Variants in CLCA1 observed in about 807,000 individuals in gnomAD.
CLCA1 encodes chloride channel accessory 1, also known as calcium-activated chloride channel regulator 1.
Under a neutral mutation model 85.6 loss-of-function variants are expected in CLCA1, and 59 were observed. The ratio of observed to expected loss-of-function variants is 0.69; its 90% CI spans 0.56 to 0.86. The LOEUF (loss-of-function observed/expected upper bound fraction) is 0.86, where lower values mean the gene tolerates loss of function less well. CLCA1 is among the 40% of genes least tolerant of loss of function. CLCA1 has a pLI of 0.00. For missense variants in CLCA1, 1,022 were observed against 1,101.4 expected (o/e 0.93, Z 1.02); for synonymous variants, 396 against 398.3 (o/e 0.99, Z 0.07).
chr1:86,497,756 G>T (rs1010451827), intron 12 of CLCA1, among the ~76,000 whole-genome samples: 1 of 152,196 alleles, frequency 6.6e-6, no homozygotes, highest in African/African-American at 2.4e-5. Flanking sequence ...TGAAGGTCCA[G>T]TTGATTAGTT....
At chr1:86,475,605 T>A (rs997521878) in intron 3 of CLCA1, among the ~76,000 whole-genome samples, 14 of 152,036 alleles carry the variant, frequency 9.2e-5, no homozygotes, top group Admixed American at 3.9e-4. Flanking sequence ...GGGCCTAAGA[T>A]GAGGATTTCA....
chr1:86,476,855 C>T lies in CLCA1; in HGVS notation c.557+302C>T, dbSNP rs371542994. Among the ~76,000 whole-genome samples the T allele has an allele frequency of 2.0e-5, 3 of 152,128 alleles. No homozygotes were observed. In the East Asian group the frequency reaches 5.8e-4, roughly 29 times the overall value. Reference sequence around the variant, plus strand: ...TAGTGTCTCCATCATCCCATACCAGCATCAGTGACGTAAGCAGAGCTAATG... The same window carrying T: ...TAGTGTCTCCATCATCCCATACCAGTATCAGTGACGTAAGCAGAGCTAATG... On this transcript the variant is annotated intron_variant, in intron 4 of 13. Coordinates refer to ENST00000394711, the MANE Select transcript of CLCA1 (RefSeq NM_001285.4).
rs780029311 is a variant in CLCA1 at position 86,494,190 on chromosome 1, G to A, written c.1684G>A (p.Gly562Ser). 1.9e-6 allele frequency: 3 copies of A among 1,613,976 alleles called. No individual in the cohort carries two copies. In the Admixed American group the frequency reaches 5.0e-5, roughly 27 times the overall value. Residue 562 changes from glycine (G) to serine (S), a missense_variant, in exon 11 of 14, where the codon GGC (glycine) becomes AGC (serine). By Grantham distance (56) the Gly-to-Ser change is moderately conservative. Coordinates refer to ENST00000394711, the MANE Select transcript of CLCA1 (RefSeq NM_001285.4). Reference sequence around the variant, plus strand: ...TGTTTACATGTGTTTTGGTCAGGTTGGCACTTGGAAATACAGTCTGCAAGC... The same window carrying A: ...TGTTTACATGTGTTTTGGTCAGGTTAGCACTTGGAAATACAGTCTGCAAGC... ...YLQIPGIAKVGTWKYSLQASS... is the reference protein window; with the variant it reads ...YLQIPGIAKVSTWKYSLQASS...
rs867220653 is a variant in CLCA1, at chr1:86,491,349, C to T, written c.1442C>T (p.Ala481Val). The change falls in exon 9 of 14, where the codon GCT (alanine) becomes GTT (valine). Residue 481 changes from alanine to valine, a missense_variant. Transcript: ENST00000394711. ...AFGALSSGNG[A>V]VSQRSIQLES... ...GGGGCCCTTTCATCAGGAAATGGAG[C>T]TGTCTCTCAGCGCTCCATCCAGGTT... 6.2e-7 allele frequency: 1 copy of T among 1,612,510 alleles called. No individual in the cohort carries two copies. The highest frequency in any genetic ancestry group is 8.5e-7 in the Non-Finnish European group (1 of 1,178,838).
At chr1:86,495,231 G>A (rs1043912159) in intron 11 of CLCA1, among the ~76,000 whole-genome samples, 1 of 152,118 alleles carries the variant, frequency 6.6e-6, no homozygotes, top group Non-Finnish European at 1.5e-5. Context: ...TTATTGAGTA[G>A]TTACCTTGTG....
chr1:86,468,996 T>C lies in CLCA1; in HGVS notation c.25T>C (p.Phe9Leu), dbSNP rs1647422048. 1.2e-6 allele frequency: 2 copies of C among 1,611,930 alleles called. No homozygotes were observed. Among genetic ancestry groups the C allele is most frequent in the African/African-American group, 1.3e-5 (1 of 74,868 alleles). Residue 9 changes from phenylalanine (F) to leucine (L), a missense_variant, in exon 1 of 14, where the codon TTC becomes CTC. By Grantham distance (22) the Phe-to-Leu change is conservative (BLOSUM62 0). Transcript: ENST00000394711. MGPFKSSV[F>L]ILILHLLEGA... Reference sequence around the variant, plus strand: ...AATGGGGCCATTTAAGAGTTCTGTGTTCATCTTGATTCTTCACCTTCTAGA... The same window carrying C: ...AATGGGGCCATTTAAGAGTTCTGTGCTCATCTTGATTCTTCACCTTCTAGA...
At chr1:86,497,814 G>T (rs968897888) in intron 12 of CLCA1, among the ~76,000 whole-genome samples, 8 of 152,130 alleles carry the variant, frequency 5.3e-5, no homozygotes, top group African/African-American at 1.9e-4. Flanking sequence ...TATTTAGGAG[G>T]AATACATTTC....
At chr1:86,476,377 C>A in intron 3 of CLCA1, 71 bp from the exon 4 acceptor site, 1 of 739,416 alleles carries the variant, frequency 1.4e-6, no homozygotes. Context: ...CCAAACATTG[C>A]TTTCTTCCAG....
chr1:86,476,543 CA>C lies in CLCA1; in HGVS notation c.549del (p.Ala184GlnfsTer2). The C allele has an allele frequency of 6.6e-7, 1 of 1,505,656 alleles. No homozygotes were observed. The highest frequency in any genetic ancestry group is 1.4e-5 in the African/African-American group (1 of 72,854). The allele number at this position is 1,505,656 out of a possible 1,614,324, so 93.3% of individuals were successfully genotyped here. Reference protein sequence around the residue: ...EKFYLSNGRIQAVRCSAGITG... With the variant: ...EKFYLSNGRIXAVRCSAGITG... The stretch of plus-strand genomic sequence containing the variant: ...ATTCTACTTATCCAATGGAAGAATA[CA>C]AGCAGTAAGGTATGTATATTTTGAT... On this transcript the variant is annotated frameshift_variant, in exon 4 of 14. Coordinates refer to ENST00000394711, the MANE Select transcript of CLCA1 (RefSeq NM_001285.4). LOFTEE classifies it high-confidence loss of function.
At chr1:86,475,585 G>A (rs914625806) in intron 3 of CLCA1, among the ~76,000 whole-genome samples, 4 of 152,146 alleles carry the variant, frequency 2.6e-5, no homozygotes, top group East Asian at 1.9e-4. Flanking sequence ...AAATGCAAAC[G>A]CGGAGTACTG....
chr1:86,481,121 A>G (rs1408613048), intron 4 of CLCA1, among the ~76,000 whole-genome samples: 2 of 152,152 alleles, frequency 1.3e-5, no homozygotes, highest in African/African-American at 4.8e-5. Context: ...AAAATTATTA[A>G]GATCACATTT....
chr1:86,486,123 C>T (rs5744367), intron 6 of CLCA1, among the ~76,000 whole-genome samples: 17,985 of 151,888 alleles, frequency 0.12, 1,757 homozygotes, highest in East Asian at 0.49. Flanking sequence ...ACGAGAACAT[C>T]CTGGAAGAAA....
intron 1 of CLCA1, among the ~76,000 whole-genome samples, chr1:86,469,777 G>T (rs551751357): frequency 6.6e-6 from 1 of 152,150 alleles, no homozygotes; most frequent in African/African-American, 2.4e-5. Flanking sequence ...AACTAAGAGG[G>T]AAATGCTTTA....
At position 86,482,292 on chromosome 1, in the gene CLCA1, A is replaced by G. The variant is rs1321694; in HGVS notation, c.645A>G (p.Val215=). 3 of 1,613,642 alleles carry G rather than the reference A, an allele frequency of 1.9e-6. No individual in the cohort carries two copies. In the African/African-American group the frequency reaches 4.0e-5, roughly 22 times the overall value. ...CCAAAAGATGCACATTCAATAAAGT[A>G]ACAGGACTCTATGAAAAAGGATGTG... ...CYTKRCTFNK[V]TGLYEKGCEF... Residue 215 remains valine (V), a synonymous_variant, in exon 5 of 14, where the codon GTA becomes GTG. Coordinates refer to ENST00000394711, the MANE Select transcript of CLCA1 (RefSeq NM_001285.4).
intron 12 of CLCA1, 41 bp downstream of exon 12, chr1:86,495,716 A>G (rs1558147014): frequency 1.9e-6 from 3 of 1,555,200 alleles, no homozygotes; most frequent in Non-Finnish European, 1.7e-6. Context: ...GTGCAAAAGC[A>G]TTGGTTTCAA....
Position 86,486,564 on chromosome 1 carries a change from GC to G in CLCA1, c.994del (p.Leu332PhefsTer16), listed in dbSNP as rs1647981546. Reference sequence around the variant, plus strand: ...TCAATCGACTGAATCAAGCAGGCCAGCTTTTCCTGCTGCAGACAGTTGAGCT... The same window carrying G: ...TCAATCGACTGAATCAAGCAGGCCAGTTTTCCTGCTGCAGACAGTTGAGCT... ...RLNRLNQAGQ[L>X]FLLQTVELGS... On this transcript the variant is annotated frameshift_variant, in exon 7 of 14. Coordinates refer to ENST00000394711, the MANE Select transcript of CLCA1 (RefSeq NM_001285.4). LOFTEE classifies it high-confidence loss of function. 1 of 1,614,040 alleles carries G rather than the reference GC, an allele frequency of 6.2e-7. No homozygotes were observed. The highest frequency in any genetic ancestry group is 8.5e-7 in the Non-Finnish European group (1 of 1,180,038).
chr1:86,486,699 T>C lies in CLCA1; in HGVS notation c.1128T>C (p.Pro376=). Residue 376 remains proline, a synonymous_variant, in exon 7 of 14, where the codon CCT becomes CCC. Transcript: ENST00000394711. ...SDRDTLAKRL[P]AAASGGTSIC... is the part of the protein sequence containing the mutation. ...GGGACACACTCGCCAAAAGATTACCTGCAGCAGCTTCAGGAGGGACGTCCA... is the reference window on the plus strand; with the variant it reads ...GGGACACACTCGCCAAAAGATTACCCGCAGCAGCTTCAGGAGGGACGTCCA... The C allele has an allele frequency of 6.2e-7, 1 of 1,614,222 alleles. No individual in the cohort carries two copies. The highest frequency in any genetic ancestry group is 2.2e-5 in the East Asian group (1 of 44,892).
chr1:86,485,678 T>C, intron 6 of CLCA1, 117 bp downstream of exon 6: 1 of 855,184 alleles, frequency 1.2e-6, no homozygotes, highest in Non-Finnish European at 1.9e-6. Flanking sequence ...GTTATAACTG[T>C]AACATTGTCT....
chr1:86,492,217 T>C (rs753384555), intron 9 of CLCA1, among the ~76,000 whole-genome samples: 2 of 152,172 alleles, frequency 1.3e-5, no homozygotes, highest in Non-Finnish European at 2.9e-5. Flanking sequence ...TTTGAAACCA[T>C]AGGCTTTCTG....
Sources: gnomAD v4.1 joint callset for allele counts (sites outside exome capture counted in the v4.1 genomes callset) on GRCh38, gnomAD v4.1.1 for gene constraint, MANE v1.5 for transcripts, NCBI Gene and HGNC (gene_info 2026-07-23, HGNC 2026-07-21) for gene names.